Variants in TNFSF4 observed in about 807,000 individuals in gnomAD.
The protein encoded by TNFSF4 is tumor necrosis factor ligand superfamily member 4.
TNFSF4 carries 4 observed loss-of-function variants against 7.3 expected under a neutral mutation model. The observed-to-expected ratio is 0.55, with a 90% CI of 0.27 to 1.25. TNFSF4 has a LOEUF of 1.25. TNFSF4 is among the 50% of genes most tolerant of loss of function. The probability of loss-of-function intolerance (pLI) is 0.12; values close to 1 mark genes in which losing one functional copy is unlikely to be tolerated. For synonymous variants in TNFSF4, 76 were observed against 83.7 expected (o/e 0.91, Z 0.50); for missense variants, 181 against 208.8 (o/e 0.87, Z 0.82).
chr1:173,360,222 T>C, the TNFSF4 span, among the ~76,000 whole-genome samples: 1 of 151,728 alleles, frequency 6.6e-6, no homozygotes, highest in African/African-American at 2.4e-5. Context: ...GTGAAGAGCA[T>C]ATGCCCATGA....
the TNFSF4 span, among the ~76,000 whole-genome samples, chr1:173,309,105 C>T: frequency 2.6e-5 from 4 of 152,018 alleles, no homozygotes; most frequent in East Asian, 7.8e-4. Context: ...TTTATTCATT[C>T]TAATAATTTA....
At chr1:173,412,055 G>T in the TNFSF4 span, among the ~76,000 whole-genome samples, 1 of 150,150 alleles carries the variant, frequency 6.7e-6, no homozygotes, top group Non-Finnish European at 1.5e-5. Context: ...GGCGGAGGTT[G>T]CAGTGAGCTG....
rs1340751454 is a variant in TNFSF4 at position 173,185,648 on chromosome 1, T to C, written c.*868A>G. The C allele has an allele frequency of 2.0e-5, 3 of 152,168 alleles. No individual in the cohort carries two copies. The highest frequency in any genetic ancestry group is 4.4e-5 in the Non-Finnish European group (3 of 68,032). 9.4% of individuals were successfully genotyped at this position (152,168 alleles called of 1,614,324 possible). On this transcript the variant is annotated 3_prime_UTR_variant, in exon 3 of 3. Transcript: ENST00000281834. ...TGCCTGTCTGTGGCAAAGAATGTGTTTTCCTCCCCAGGCTATTAAAATCCG... is the reference window on the plus strand; with the variant it reads ...TGCCTGTCTGTGGCAAAGAATGTGTCTTCCTCCCCAGGCTATTAAAATCCG...
chr1:173,294,201 C>T, the TNFSF4 span, among the ~76,000 whole-genome samples: 1 of 151,974 alleles, frequency 6.6e-6, no homozygotes, highest in Non-Finnish European at 1.5e-5. Flanking sequence ...ATAGAATCAA[C>T]CTAAATGCCC....
the TNFSF4 span, among the ~76,000 whole-genome samples, chr1:173,291,075 T>A: frequency 6.6e-6 from 1 of 152,174 alleles, no homozygotes; most frequent in Non-Finnish European, 1.5e-5. Flanking sequence ...GAAAAGCAGT[T>A]TATTTGTCTA....
At chr1:173,315,645 T>C in the TNFSF4 span, among the ~76,000 whole-genome samples, 3 of 152,182 alleles carry the variant, frequency 2.0e-5, no homozygotes, top group Non-Finnish European at 4.4e-5. Context: ...TCTTTGGCAA[T>C]TTTCTAAGAG....
the TNFSF4 span, among the ~76,000 whole-genome samples, chr1:173,246,478 A>G: frequency 2.0e-5 from 3 of 152,172 alleles, no homozygotes; most frequent in Non-Finnish European, 4.4e-5. Context: ...GCAGCTATTT[A>G]CCATAGCAAA....
the TNFSF4 span, among the ~76,000 whole-genome samples, chr1:173,252,877 T>G: frequency 6.6e-6 from 1 of 152,140 alleles, no homozygotes; most frequent in Non-Finnish European, 1.5e-5. Context: ...TATTTAAGAG[T>G]TTGCAGATGA....
chr1:173,388,327 TTATG>T, the TNFSF4 span, among the ~76,000 whole-genome samples: 1 of 152,252 alleles, frequency 6.6e-6, no homozygotes, highest in African/African-American at 2.4e-5. Context: ...CATATGCATG[TTATG>T]TATGTTTGTG....
the TNFSF4 span, among the ~76,000 whole-genome samples, chr1:173,431,275 A>G: frequency 6.6e-6 from 1 of 152,220 alleles, no homozygotes; most frequent in African/African-American, 2.4e-5. Flanking sequence ...AATAATCTTC[A>G]GGTTAGGCTT....
chr1:173,281,519 T>C, the TNFSF4 span, among the ~76,000 whole-genome samples: 10 of 152,202 alleles, frequency 6.6e-5, no homozygotes, highest in Admixed American at 6.5e-5. Context: ...CACTAATGTA[T>C]GACTGCATTT....
At chr1:173,198,487 C>T (rs1483873448) in intron 1 of TNFSF4, among the ~76,000 whole-genome samples, 2 of 152,128 alleles carry the variant, frequency 1.3e-5, no homozygotes, top group Non-Finnish European at 2.9e-5. Flanking sequence ...CCAAGTGGCT[C>T]CCTCCGATAG....
At chr1:173,255,311 T>G in the TNFSF4 span, among the ~76,000 whole-genome samples, 1 of 152,174 alleles carries the variant, frequency 6.6e-6, no homozygotes, top group Non-Finnish European at 1.5e-5. Context: ...GGACGATTGG[T>G]GAAGGAAAAT....
chr1:173,254,063 G>C, the TNFSF4 span, among the ~76,000 whole-genome samples: 1 of 152,106 alleles, frequency 6.6e-6, no homozygotes. Flanking sequence ...GTTCTAAGGG[G>C]AGCAATTTGA....
chr1:173,369,687 T>C, the TNFSF4 span, among the ~76,000 whole-genome samples: 50 of 152,214 alleles, frequency 3.3e-4, no homozygotes, highest in East Asian at 4.6e-3. Flanking sequence ...AAGTGGCTTA[T>C]TTTTTTCTGC....
the TNFSF4 span, among the ~76,000 whole-genome samples, chr1:173,326,269 A>G: frequency 1.3e-4 from 20 of 152,252 alleles, no homozygotes; most frequent in Admixed American, 7.2e-4. Flanking sequence ...CAAAAACCAC[A>G]TGATTATCTC....
chr1:173,331,685 C>G, the TNFSF4 span, among the ~76,000 whole-genome samples: 2,672 of 152,264 alleles, frequency 0.018, 85 homozygotes, highest in African/African-American at 0.061. Flanking sequence ...TTACTTATCT[C>G]TAGGAGCCTT....
At chr1:173,206,980 C>T in intron 1 of TNFSF4, 44 bp downstream of exon 1, 1 of 1,547,474 alleles carries the variant, frequency 6.5e-7, no homozygotes, top group African/African-American at 1.4e-5. Flanking sequence ...CAGCTGCCAT[C>T]AGCATGAGCT....
the TNFSF4 span, among the ~76,000 whole-genome samples, chr1:173,213,708 A>G: frequency 6.6e-6 from 1 of 152,246 alleles, no homozygotes; most frequent in Non-Finnish European, 1.5e-5. Flanking sequence ...AACTTAATTC[A>G]TCTTCAAAAG....
Sources: allele counts gnomAD v4.1 joint callset (sites outside exome capture counted in the v4.1 genomes callset), GRCh38; gene constraint gnomAD v4.1.1; transcripts MANE v1.5; gene names NCBI Gene and HGNC (gene_info 2026-07-23, HGNC 2026-07-21).